STT3A: variants seen among roughly 807,000 people sequenced by gnomAD.
The protein encoded by STT3A is dolichyl-diphosphooligosaccharide--protein glycosyltransferase subunit STT3A.
Under a neutral mutation model 89.2 loss-of-function variants are expected in STT3A, and 34 were observed. That is an observed-to-expected ratio of 0.38 (90% CI 0.29 to 0.51). The LOEUF (loss-of-function observed/expected upper bound fraction) is 0.51, where lower values mean the gene tolerates loss of function less well. Ranked by LOEUF, STT3A falls within the 20% of genes least tolerant of loss-of-function variation. STT3A has a pLI of 0.89. For synonymous variants in STT3A, 282 were observed against 310.3 expected (o/e 0.91, Z 0.96); for missense variants, 555 against 889.5 (o/e 0.62, Z 4.78).
chr11:125,595,467 C>G (rs76778050), intron 1 of STT3A, among the ~76,000 whole-genome samples: 1,523 of 152,202 alleles, frequency 0.01, 70 homozygotes, highest in Admixed American at 0.077. Flanking sequence ...TGCTTCCCCC[C>G]CTCCGCCCCT....
Position 125,618,444 on chromosome 11 carries a change from G to C in STT3A, c.1846G>C (p.Asp616His). The C allele has an allele frequency of 6.2e-7, 1 of 1,613,736 alleles. No homozygotes were observed. The highest frequency in any genetic ancestry group is 8.5e-7 in the Non-Finnish European group (1 of 1,179,966). Residue 616 changes from aspartate (D) to histidine (H), a missense_variant, in exon 16 of 18, where the codon GAC becomes CAC. Asp to His is a moderately conservative substitution (Grantham distance 81, BLOSUM62 -1). This residue lies in a region of STT3A where 273 missense variants were observed against 449.8 expected (regional missense o/e 0.61). Transcript: ENST00000392708. ...TDTGKHIKENDYYTPTGEFRV... is the reference protein window; with the variant it reads ...TDTGKHIKENHYYTPTGEFRV... ...TACAGGCAAACATATCAAGGAGAAT[G>C]ACTATTATACTCCAACTGGGGAGTT...
At chr11:125,604,313 C>T in intron 6 of STT3A, 66 bp downstream of exon 6, 5 of 1,510,540 alleles carry the variant, frequency 3.3e-6, no homozygotes, top group Non-Finnish European at 4.6e-6. Flanking sequence ...TCACAAAGTG[C>T]AGTCTATGGT....
Position 125,609,457 on chromosome 11 carries a change from C to T in STT3A, c.985C>T (p.Arg329Cys), listed in dbSNP as rs2135932096. Residue 329 changes from arginine (R) to cysteine (C), a missense_variant, in exon 10 of 18, where the codon CGT becomes TGT. Transcript: ENST00000392708. The stretch of plus-strand genomic sequence containing the variant: ...AGGAAAAATATCTCCCTGGACGGGG[C>T]GTTTCTACTCGCTGCTGGATCCCTC... ...LTGKISPWTG[R>C]FYSLLDPSYA... 1 of 1,611,286 alleles carries T rather than the reference C, an allele frequency of 6.2e-7. No individual in the cohort carries two copies.
Position 125,618,412 on chromosome 11 carries a change from G to A in STT3A, c.1814G>A (p.Ser605Asn). The A allele has an allele frequency of 6.2e-7, 1 of 1,613,418 alleles. No homozygotes were observed. The highest frequency in any genetic ancestry group is 8.5e-7 in the Non-Finnish European group (1 of 1,179,884). Residue 605 changes from serine (S) to asparagine (N), a missense_variant, in exon 16 of 18, where the codon AGC becomes AAC. Transcript: ENST00000392708. ...KFLWMVRIGGSTDTGKHIKEN... is the reference protein window; with the variant it reads ...KFLWMVRIGGNTDTGKHIKEN... Reference sequence around the variant, plus strand: ...CTTTGGATGGTCCGGATTGGAGGGAGCACAGATACAGGCAAACATATCAAG... The same window carrying A: ...CTTTGGATGGTCCGGATTGGAGGGAACACAGATACAGGCAAACATATCAAG...
Position 125,613,135 on chromosome 11 carries a change from C to A in STT3A, c.1512C>A (p.Asp504Glu). 1 of 1,613,928 alleles carries A rather than the reference C, an allele frequency of 6.2e-7. No individual in the cohort carries two copies. The highest frequency in any genetic ancestry group is 8.5e-7 in the Non-Finnish European group (1 of 1,179,982). ...ATGGCAGTAGGATCATATTTGATGA[C>A]TTCCGAGAAGCATATTATTGGCTTC... Reference protein sequence around the residue: ...GGDGSRIIFDDFREAYYWLRH... With the variant: ...GGDGSRIIFDEFREAYYWLRH... Residue 504 changes from aspartate (D) to glutamate (E), a missense_variant, in exon 13 of 18, where the codon GAC (aspartate) becomes GAA (glutamate). Physicochemically the swap from Asp to Glu is conservative, Grantham distance 45. Around this residue, in one of 5 missense-constraint regions of STT3A, gnomAD observed 273 missense variants for 449.8 expected, o/e 0.61. Transcript: ENST00000392708. The surrounding 1 kb of genome is among the most constrained non-coding windows in gnomAD (Gnocchi z 4.2).
upstream of STT3A, among the ~76,000 whole-genome samples, chr11:125,592,064 G>A (rs1017370329): frequency 1.3e-5 from 2 of 152,224 alleles, no homozygotes; most frequent in Non-Finnish European, 2.9e-5. Context: ...AACTGACTAA[G>A]CATGGCCGGG....
intron 6 of STT3A, among the ~76,000 whole-genome samples, chr11:125,604,881 G>A (rs915262707): frequency 6.6e-6 from 1 of 152,178 alleles, no homozygotes; most frequent in Admixed American, 6.6e-5. Flanking sequence ...AGAGGCTGAG[G>A]TGTGTGGATC....
chr11:125,612,824 T>A, intron 12 of STT3A, 77 bp downstream of exon 12: 2 of 1,561,140 alleles, frequency 1.3e-6, no homozygotes, highest in Non-Finnish European at 1.7e-6. Flanking sequence ...CAGCGGGGGG[T>A]GGGAGGAGTA....
intron 7 of STT3A, among the ~76,000 whole-genome samples, chr11:125,605,979 C>G (rs1939823287): frequency 6.6e-6 from 1 of 152,128 alleles, no homozygotes; most frequent in Admixed American, 6.6e-5. Context: ...AATTCTGAGG[C>G]TTGAGTCCCT....
In STT3A at chr11:125,613,927, T is replaced by G. The variant is rs1383991019; in HGVS notation, c.1555-160T>G. 1.6e-6 allele frequency: 1 copy of G among 642,860 alleles called. No homozygotes were observed. Among genetic ancestry groups the G allele is most frequent in the Non-Finnish European group, 2.8e-6 (1 of 357,600 alleles). The allele number at this position is 642,860 out of a possible 1,614,324, so 39.8% of individuals were successfully genotyped here. Reference sequence around the variant, plus strand: ...AATTGTATATAAATGGAAGACCAGGTGCCAGGATTTATTTTCTGGTTTGAC... The same window carrying G: ...AATTGTATATAAATGGAAGACCAGGGGCCAGGATTTATTTTCTGGTTTGAC... On this transcript the variant is annotated intron_variant, in intron 13 of 17. Transcript: ENST00000392708. This position sits in a 1 kb window ranked among gnomAD's most constrained non-coding sequence, Gnocchi z 4.2.
At chr11:125,603,066 C>A in intron 5 of STT3A, 118 bp downstream of exon 5, 1 of 1,278,148 alleles carries the variant, frequency 7.8e-7, no homozygotes, top group Non-Finnish European at 1.1e-6. Context: ...GTGAAGACAG[C>A]TTTTACTGGG....
At position 125,600,530 on chromosome 11, in the gene STT3A, T is replaced by G. The variant is rs1055527237; in HGVS notation, c.150-1773T>G. Among the ~76,000 whole-genome samples, 6 of 148,636 alleles carry G rather than the reference T, an allele frequency of 4.0e-5. No individual in the cohort carries two copies. In the South Asian group the frequency reaches 6.3e-4, roughly 16 times the overall value. On this transcript the variant is annotated intron_variant, in intron 3 of 17. Coordinates refer to ENST00000392708, the MANE Select transcript of STT3A (RefSeq NM_152713.5). ...GCGTGTGCCACTAAGTCCTGCTGAT[T>G]GTTGTATTTTTTTTTAGAAACAGGG...
At chr11:125,605,128 T>A (rs996794333) in intron 6 of STT3A, among the ~76,000 whole-genome samples, 22 of 133,556 alleles carry the variant, frequency 1.6e-4, no homozygotes, top group African/African-American at 5.8e-4. Context: ...TTTATTTTTA[T>A]TTTTTTAAGA....
At chr11:125,620,518 C>A (rs1294711840) in intron 17 of STT3A, among the ~76,000 whole-genome samples, 1 of 152,158 alleles carries the variant, frequency 6.6e-6, no homozygotes, top group Non-Finnish European at 1.5e-5. Flanking sequence ...AGGAGTATAT[C>A]TCTCATATAA....
At chr11:125,604,818 G>A (rs186924283) in intron 6 of STT3A, among the ~76,000 whole-genome samples, 5 of 152,348 alleles carry the variant, frequency 3.3e-5, no homozygotes, top group Admixed American at 6.5e-5. Flanking sequence ...TGTAGTGGAA[G>A]GAGAGATTTG....
chr11:125,614,045 CAG>C lies in STT3A; in HGVS notation c.1555-41_1555-40del, dbSNP rs60801054. The C allele has an allele frequency of 7.8e-3, 12,225 of 1,564,142 alleles. 614 individuals are homozygous for C. The African/African-American group carries it at 0.13, about 16-fold the overall frequency. ...CTCTGTTGCATTTGATTTTTAGAGA[CAG>C]TGAGAAGCTTGTTATTTCCATTTCC... On this transcript the variant is annotated intron_variant, in intron 13 of 17. Transcript: ENST00000392708. This position sits in a 1 kb window ranked among gnomAD's most constrained non-coding sequence, Gnocchi z 4.9.
intron 3 of STT3A, among the ~76,000 whole-genome samples, chr11:125,601,410 C>T (rs1213411758): frequency 1.3e-5 from 2 of 152,130 alleles, no homozygotes; most frequent in African/African-American, 4.8e-5. Context: ...CACCTGAGGT[C>T]AGGAGTTTGA....
intron 4 of STT3A, 56 bp from the exon 5 acceptor site, chr11:125,602,747 T>C (rs928796330): frequency 2.5e-6 from 4 of 1,605,468 alleles, no homozygotes; most frequent in Non-Finnish European, 3.4e-6. Flanking sequence ...TTTCCCTTTC[T>C]TTTTCCCTTA....
At chr11:125,601,631 A>T (rs749805959) in intron 3 of STT3A, among the ~76,000 whole-genome samples, 18 of 152,214 alleles carry the variant, frequency 1.2e-4, no homozygotes, top group South Asian at 2.1e-4. Flanking sequence ...CTCAAAAAAA[A>T]AAATAAATAA....
Sources: gnomAD v4.1 joint callset for allele counts (sites outside exome capture counted in the v4.1 genomes callset) on GRCh38, gnomAD v4.1.1 for gene constraint, gnomAD v4.1.1 regional missense constraint, Gnocchi (gnomAD v3.1) non-coding constraint, MANE v1.5 for transcripts, NCBI Gene and HGNC (gene_info 2026-07-23, HGNC 2026-07-21) for gene names.